COL24A1: variants seen among roughly 807,000 people sequenced by gnomAD.
COL24A1 encodes the protein collagen alpha-1(XXIV) chain.
Under a neutral mutation model 253.9 loss-of-function variants are expected in COL24A1, and 224 were observed. That is an observed-to-expected ratio of 0.88 (90% CI 0.79 to 0.99). COL24A1 has a LOEUF of 0.99. Ranked by LOEUF, COL24A1 falls within the 50% of genes least tolerant of loss-of-function variation. COL24A1 has a pLI of 0.00. For missense variants in COL24A1, 2,131 were observed against 2,068.5 expected (o/e 1.03, Z -0.59); for synonymous variants, 685 against 673.7 (o/e 1.02, Z -0.26).
chr1:85,947,282 A>T (rs1449216163), intron 24 of COL24A1, among the ~76,000 whole-genome samples: 1 of 152,202 alleles, frequency 6.6e-6, no homozygotes, highest in African/African-American at 2.4e-5. Flanking sequence ...CTTATTCACT[A>T]AATTTCTGCC....
intron 13 of COL24A1, among the ~76,000 whole-genome samples, chr1:86,032,899 T>C (rs1181351815): frequency 6.6e-6 from 1 of 152,106 alleles, no homozygotes; most frequent in Non-Finnish European, 1.5e-5. Flanking sequence ...TAAAATGGCT[T>C]CACACTAGGT....
chr1:85,735,553 G>A (rs1261003121), intron 58 of COL24A1, among the ~76,000 whole-genome samples: 1 of 151,894 alleles, frequency 6.6e-6, no homozygotes. Context: ...TATTCTTTGT[G>A]TTACCAGCCC....
At chr1:86,057,219 C>T (rs1700730838) in intron 10 of COL24A1, among the ~76,000 whole-genome samples, 1 of 152,054 alleles carries the variant, frequency 6.6e-6, no homozygotes, top group South Asian at 2.1e-4. Flanking sequence ...CTCTTACTCC[C>T]ACTCTCGCCT....
chr1:85,761,653 C>T (rs924252137), intron 53 of COL24A1, 87 bp from the exon 54 acceptor site: 1 of 1,330,386 alleles, frequency 7.5e-7, no homozygotes, highest in Non-Finnish European at 1.1e-6. Context: ...ACCTCTGTAA[C>T]TGCCTTTCGT....
intron 22 of COL24A1, among the ~76,000 whole-genome samples, chr1:85,967,426 G>C (rs138678819): frequency 1.3e-5 from 2 of 152,182 alleles, no homozygotes; most frequent in Admixed American, 1.3e-4. Context: ...AGACACAATG[G>C]AAAGGCAGCA....
At chr1:85,859,053 C>T (rs904601317) in intron 37 of COL24A1, among the ~76,000 whole-genome samples, 2 of 152,102 alleles carry the variant, frequency 1.3e-5, no homozygotes, top group African/African-American at 4.8e-5. Flanking sequence ...TCCTTCACAG[C>T]ACTTATCACT....
chr1:85,956,867 T>G (rs904626982), intron 24 of COL24A1, among the ~76,000 whole-genome samples: 3 of 152,174 alleles, frequency 2.0e-5, no homozygotes, highest in African/African-American at 7.2e-5. Flanking sequence ...TGAAGAAAGC[T>G]GTGAAGTCAC....
In COL24A1 at chr1:86,125,503, A is replaced by G. The variant is rs747340123; in HGVS notation, c.833T>C (p.Val278Ala). ...SPPPKLFAEKVLSEDTFTEGK... is the reference protein window; with the variant it reads ...SPPPKLFAEKALSEDTFTEGK... ...TTCAGTAAATGTATCCTCTGACAGT[A>G]CTTTTTCAGCAAATAGTTTGGGCGG... is the stretch of plus-strand genomic sequence containing the variant. The change falls in exon 3 of 60, where the codon GTA (valine) becomes GCA (alanine). Residue 278 changes from valine to alanine, a missense_variant. Physicochemically the swap from Val to Ala is moderately conservative, Grantham distance 64. Coordinates refer to ENST00000370571, the MANE Select transcript of COL24A1 (RefSeq NM_152890.7). The G allele has an allele frequency of 3.1e-6, 5 of 1,613,546 alleles. No individual in the cohort carries two copies. Among genetic ancestry groups the G allele is most frequent in the Non-Finnish European group, 4.2e-6 (5 of 1,179,784 alleles).
At chr1:86,052,021 C>A (rs1293236396) in intron 10 of COL24A1, among the ~76,000 whole-genome samples, 1 of 151,910 alleles carries the variant, frequency 6.6e-6, no homozygotes, top group South Asian at 2.1e-4. Context: ...CAGACTAAAG[C>A]TTTGAGGAGA....
chr1:86,076,278 C>T (rs1702237094), intron 7 of COL24A1, among the ~76,000 whole-genome samples: 2 of 152,180 alleles, frequency 1.3e-5, no homozygotes, highest in African/African-American at 4.8e-5. Context: ...CATGAGTGAA[C>T]TCCCATTCAC....
chr1:85,858,025 CA>C (rs1678654008), intron 37 of COL24A1, among the ~76,000 whole-genome samples: 1 of 152,144 alleles, frequency 6.6e-6, no homozygotes, highest in African/African-American at 2.4e-5. Context: ...ACATCTAAAC[CA>C]GGAGCAAATT....
At chr1:85,810,635 G>A (rs998636970) in intron 47 of COL24A1, among the ~76,000 whole-genome samples, 1 of 152,074 alleles carries the variant, frequency 6.6e-6, no homozygotes, top group Non-Finnish European at 1.5e-5. Flanking sequence ...GCTTGGTGCT[G>A]TCTTTCTGAT....
At chr1:86,134,186 G>A (rs1424858223) in intron 2 of COL24A1, among the ~76,000 whole-genome samples, 5 of 149,964 alleles carry the variant, frequency 3.3e-5, no homozygotes, top group South Asian at 2.1e-4. Context: ...CTGTGGGATC[G>A]GTGGTGATAT....
At chr1:86,063,329 C>T (rs1258097006) in intron 8 of COL24A1, among the ~76,000 whole-genome samples, 2 of 150,834 alleles carry the variant, frequency 1.3e-5, no homozygotes, top group Admixed American at 6.6e-5. Flanking sequence ...AAGTTCCTGA[C>T]ATTGTACAAA....
chr1:86,156,209 G>A (rs1653589389), intron 1 of COL24A1, 132 bp downstream of exon 1: 2 of 687,864 alleles, frequency 2.9e-6, no homozygotes, highest in South Asian at 2.0e-5. Context: ...GATACCGCGG[G>A]TACTCGGCCG....
intron 39 of COL24A1, 86 bp from the exon 40 acceptor site, chr1:85,842,479 T>C (rs2102259371): frequency 1.1e-6 from 1 of 932,722 alleles, no homozygotes; most frequent in Non-Finnish European, 1.6e-6. Context: ...GTTTAAATTG[T>C]TACCTTTAGA....
chr1:86,155,240 C>A (rs1233457778), intron 1 of COL24A1: 1 of 151,920 alleles, frequency 6.6e-6, no homozygotes, highest in African/African-American at 2.4e-5. Context: ...AGAGAGCGCG[C>A]GCGCGAGCCC....
At chr1:85,918,302 T>A (rs1571213263) in intron 24 of COL24A1, among the ~76,000 whole-genome samples, 1 of 152,090 alleles carries the variant, frequency 6.6e-6, no homozygotes, top group Admixed American at 6.5e-5. Context: ...AAGATAGGGA[T>A]CCAGTTTTAA....
At chr1:85,766,888 G>A (rs1292332824) in intron 53 of COL24A1, among the ~76,000 whole-genome samples, 3 of 151,990 alleles carry the variant, frequency 2.0e-5, no homozygotes, top group South Asian at 2.1e-4. Flanking sequence ...GGCAGATCAC[G>A]AGGTCAGGAG....
Sources: gnomAD v4.1 joint callset for allele counts (sites outside exome capture counted in the v4.1 genomes callset) on GRCh38, gnomAD v4.1.1 for gene constraint, MANE v1.5 for transcripts, NCBI Gene and HGNC (gene_info 2026-07-23, HGNC 2026-07-21) for gene names.